Variants in TMEFF2 observed in about 807,000 individuals in gnomAD.
The protein encoded by TMEFF2 is tomoregulin-2.
Under a neutral mutation model 53.8 loss-of-function variants are expected in TMEFF2, and 28 were observed. That is an observed-to-expected ratio of 0.52 (90% CI 0.39 to 0.71). The LOEUF (loss-of-function observed/expected upper bound fraction) is 0.71. TMEFF2 is among the 30% of genes least tolerant of loss of function. The probability of loss-of-function intolerance (pLI) is 0.00; values close to 1 mark genes in which losing one functional copy is unlikely to be tolerated. For missense variants in TMEFF2, 353 were observed against 455.2 expected, an observed-to-expected ratio of 0.78 and a Z score of 2.04; for synonymous variants, 162 against 166.3, an observed-to-expected ratio of 0.97 and a Z score of 0.20.
intron 4 of TMEFF2, chr2:192,177,866 T>A (rs2106031548): frequency 6.6e-6 from 1 of 150,844 alleles, no homozygotes; most frequent in East Asian, 1.9e-4. Flanking sequence ...CAGGGAAGAG[T>A]GAGTTTGACT....
chr2:192,193,773 G>T lies in TMEFF2; in HGVS notation c.172+580C>A, dbSNP rs1408532777. On this transcript the variant is annotated intron_variant, in intron 1 of 9. Transcript: ENST00000272771. ...AGAGATAGATAGATAGAGAGAGAGA[G>T]AGAGAGAGAGAGAGAGAGAGAGAGA... Among the ~76,000 whole-genome samples, 73 of 40,538 alleles carry T rather than the reference G, an allele frequency of 1.8e-3. 2 individuals carry two copies. Among genetic ancestry groups the T allele is most frequent in the Admixed American group, 2.7e-3 (9 of 3,318 alleles). The allele number at this position is 40,538 out of a possible 152,430, so 26.6% of individuals were successfully genotyped here.
chr2:192,038,637 G>T (rs183410271), intron 5 of TMEFF2, among the ~76,000 whole-genome samples: 196 of 151,964 alleles, frequency 1.3e-3, no homozygotes, highest in African/African-American at 4.5e-3. Flanking sequence ...GACTACAGAT[G>T]TCCACCACCA....
chr2:192,037,333 GAAAAA>G (rs1452514586), intron 5 of TMEFF2, among the ~76,000 whole-genome samples: 22 of 146,922 alleles, frequency 1.5e-4, no homozygotes, highest in Middle Eastern at 3.5e-3. Context: ...AAGAAAGAAA[GAAAAA>G]CAGAAAACAG....
chr2:192,128,002 T>C (rs1041468585), intron 4 of TMEFF2, among the ~76,000 whole-genome samples: 1 of 152,188 alleles, frequency 6.6e-6, no homozygotes, highest in East Asian at 1.9e-4. Flanking sequence ...AGTCACACAA[T>C]TCTACTGTGC....
At chr2:192,093,601 C>T (rs1362630170) in intron 4 of TMEFF2, among the ~76,000 whole-genome samples, 1 of 152,090 alleles carries the variant, frequency 6.6e-6, no homozygotes, top group Non-Finnish European at 1.5e-5. Flanking sequence ...TTTCTATCCT[C>T]TTTCTTTGAA....
intron 7 of TMEFF2, among the ~76,000 whole-genome samples, chr2:191,992,912 A>G (rs1686141863): frequency 6.6e-6 from 1 of 152,094 alleles, no homozygotes. Context: ...CTTAGGGTGC[A>G]GAGTCAGTCC....
At chr2:192,073,609 A>C (rs190295624) in intron 4 of TMEFF2, among the ~76,000 whole-genome samples, 22 of 152,102 alleles carry the variant, frequency 1.4e-4, no homozygotes, top group African/African-American at 5.3e-4. Flanking sequence ...TAGTTTGTTT[A>C]GTAAGTCTGT....
At chr2:192,145,675 C>A (rs2105994492) in intron 4 of TMEFF2, among the ~76,000 whole-genome samples, 1 of 152,084 alleles carries the variant, frequency 6.6e-6, no homozygotes, top group South Asian at 2.1e-4. Flanking sequence ...GTCACAGATT[C>A]TAGGCACAGA....
intron 4 of TMEFF2, among the ~76,000 whole-genome samples, chr2:192,097,842 G>A (rs188542544): frequency 2.0e-5 from 3 of 152,226 alleles, no homozygotes; most frequent in African/African-American, 7.2e-5. Context: ...AAGAAGGTGC[G>A]CAGTTAGGAT....
chr2:192,075,322 T>TATATATATATATATATATATAC (rs1688403283), intron 4 of TMEFF2, among the ~76,000 whole-genome samples: 1 of 86,130 alleles, frequency 1.2e-5, no homozygotes, highest in Non-Finnish European at 2.4e-5. Context: ...TATATATATA[T>TATATATATATATATATATATAC]ATATATATAT....
intron 7 of TMEFF2, chr2:191,992,652 A>C (rs1350527989): frequency 6.6e-6 from 1 of 152,098 alleles, no homozygotes; most frequent in African/African-American, 2.4e-5. Context: ...ATATGGCTAA[A>C]AATTTTTACT....
chr2:191,977,926 TATATC>T, intron 7 of TMEFF2, among the ~76,000 whole-genome samples: 1 of 152,322 alleles, frequency 6.6e-6, no homozygotes, highest in African/African-American at 2.4e-5. Context: ...ATTGTGGCAG[TATATC>T]ATAATTACTC....
At chr2:192,023,542 T>A (rs73982317) in intron 5 of TMEFF2, among the ~76,000 whole-genome samples, 10,068 of 152,184 alleles carry the variant, frequency 0.066, 504 homozygotes, top group African/African-American at 0.13. Flanking sequence ...GTCCTTATGT[T>A]CTTCAAAATA....
chr2:191,985,256 A>G (rs1685949493), intron 7 of TMEFF2, among the ~76,000 whole-genome samples: 1 of 152,184 alleles, frequency 6.6e-6, no homozygotes, highest in Non-Finnish European at 1.5e-5. Context: ...AAGTTATATA[A>G]CATTTATAAA....
intron 8 of TMEFF2, 57 bp downstream of exon 8, chr2:191,956,197 AT>A: frequency 6.6e-7 from 1 of 1,511,690 alleles, no homozygotes. Flanking sequence ...AACATCTACA[AT>A]TTAGTTTCTA....
intron 7 of TMEFF2, among the ~76,000 whole-genome samples, chr2:191,969,622 G>T (rs1692576985): frequency 6.6e-6 from 1 of 152,134 alleles, no homozygotes; most frequent in Non-Finnish European, 1.5e-5. Context: ...ATGGGTTTGT[G>T]TATGTCTCCT....
intron 9 of TMEFF2, among the ~76,000 whole-genome samples, chr2:191,952,166 T>C (rs956607282): frequency 5.3e-5 from 8 of 152,222 alleles, no homozygotes; most frequent in African/African-American, 1.9e-4. Context: ...TAAATGTGCA[T>C]ATATATGTGT....
At chr2:192,193,745 G>GAGAT (rs1559167032) in intron 1 of TMEFF2, among the ~76,000 whole-genome samples, 14 of 32,968 alleles carry the variant, frequency 4.2e-4, no homozygotes, top group African/African-American at 1.4e-3. Context: ...ATGAGAGAGA[G>GAGAT]AGAGAGATAG....
intron 1 of TMEFF2, among the ~76,000 whole-genome samples, chr2:192,193,010 G>GT (rs1222931833): frequency 1.3e-5 from 2 of 152,116 alleles, no homozygotes; most frequent in Non-Finnish European, 2.9e-5. Context: ...ATCTCAACTT[G>GT]TCTTTGTAAA....
Sources: allele counts gnomAD v4.1 joint callset (sites outside exome capture counted in the v4.1 genomes callset), GRCh38; gene constraint gnomAD v4.1.1; transcripts MANE v1.5; gene names NCBI Gene and HGNC (gene_info 2026-07-23, HGNC 2026-07-21).